Variants in PVALB observed in about 807,000 individuals in gnomAD.
PVALB encodes the protein parvalbumin alpha.
In PVALB, 11 loss-of-function variants were observed where a neutral mutation model predicts 10.9. That is an observed-to-expected ratio of 1.01 (90% CI 0.63 to 1.67). The LOEUF is 1.67. Ranked by LOEUF, PVALB falls within the 40% of genes most tolerant of loss-of-function variation. The probability of loss-of-function intolerance (pLI) is 0.00; values close to 1 mark genes in which losing one functional copy is unlikely to be tolerated. For synonymous variants in PVALB, 57 were observed against 50.7 expected, an observed-to-expected ratio of 1.12 and a Z score of -0.53; for missense variants, 131 against 136.2, an observed-to-expected ratio of 0.96 and a Z score of 0.19.
upstream of PVALB, chr22:36,817,130 T>C (rs1419439365): frequency 5.8e-6 from 5 of 856,332 alleles, no homozygotes; most frequent in East Asian, 1.7e-4. Flanking sequence ...GGGCCTGGCA[T>C]GGCGCCAGGG....
intron 3 of PVALB, among the ~76,000 whole-genome samples, chr22:36,805,259 G>A (rs747087666): frequency 6.6e-6 from 1 of 152,144 alleles, no homozygotes; most frequent in Admixed American, 6.5e-5. Flanking sequence ...CACCTCACCT[G>A]TCAAATGGAG....
intron 3 of PVALB, among the ~76,000 whole-genome samples, chr22:36,803,849 G>A (rs1393665939): frequency 6.6e-6 from 1 of 152,200 alleles, no homozygotes; most frequent in African/African-American, 2.4e-5. Flanking sequence ...AGGCTGGGAA[G>A]GTGAGGTGTC....
At chr22:36,815,769 G>T (rs1198566536) in intron 1 of PVALB, among the ~76,000 whole-genome samples, 2 of 152,094 alleles carry the variant, frequency 1.3e-5, no homozygotes, top group East Asian at 3.9e-4. Flanking sequence ...GGAAGTCCTG[G>T]CTCTGCGCAG....
upstream of PVALB, chr22:36,817,084 A>T: frequency 2.6e-5 from 36 of 1,379,308 alleles, no homozygotes; most frequent in Non-Finnish European, 3.5e-5. Flanking sequence ...TCATATGACC[A>T]GCGCTGCAGT....
In PVALB at chr22:36,813,436, G is replaced by A; in HGVS notation, c.304+210C>T. 6 of 543,316 alleles carry A rather than the reference G, an allele frequency of 1.1e-5. No individual in the cohort carries two copies. The South Asian group carries it at 1.4e-4, about 13-fold the overall frequency. 33.7% of individuals were successfully genotyped at this position (543,316 alleles called of 1,614,324 possible). A position where few individuals can be genotyped will look rare whatever the true frequency, so the allele number is the denominator to read the frequency against. On this transcript the variant is annotated intron_variant, in intron 3 of 3. Transcript: ENST00000417718. Reference sequence around the variant, plus strand: ...GAAAAACAGAATCTATTCCTTTTAGGTTTTCAAATTAGGAAAATACACCAG... The same window carrying A: ...GAAAAACAGAATCTATTCCTTTTAGATTTTCAAATTAGGAAAATACACCAG...
At position 36,807,630 on chromosome 22, in the gene PVALB, G is replaced by A. The variant is rs532552852; in HGVS notation, c.304+6016C>T. 1.6e-4 allele frequency among the ~76,000 whole-genome samples: 25 copies of A among 152,176 alleles called. No individual in the cohort carries two copies. In the South Asian group the frequency reaches 4.6e-3, roughly 28 times the overall value. ...CATTTCTAGAACATTCTCTTCATTC[G>A]AGCAACAGCCCTGTAAGGTGTGTAT... On this transcript the variant is annotated intron_variant, in intron 3 of 3. Transcript: ENST00000417718.
Position 36,813,634 on chromosome 22 carries a change from A to G in PVALB, c.304+12T>C. 6.3e-7 allele frequency: 1 copy of G among 1,597,018 alleles called. No homozygotes were observed. The highest frequency in any genetic ancestry group is 8.6e-7 in the Non-Finnish European group (1 of 1,164,500). On this transcript the variant is annotated intron_variant, in intron 3 of 3. Coordinates refer to ENST00000417718, the MANE Select transcript of PVALB (RefSeq NM_001315532.2). ...CCACAATATGCCCAGACCCCAGGTC[A>G]CGGCTACCCACCGTCAACCCCAATT...
Position 36,800,837 on chromosome 22 carries a change from G to A in PVALB, c.*53C>T, listed in dbSNP as rs374659208. The A allele has an allele frequency of 3.0e-5, 46 of 1,552,176 alleles. No individual in the cohort carries two copies. In the African/African-American group the frequency reaches 3.4e-4, roughly 11 times the overall value. ...ATGCAGGAGGGTGGCGAGAGGGGCC[G>A]AGATTGGGTGTTCAGGGCAGAGAGG... On this transcript the variant is annotated 3_prime_UTR_variant, in exon 4 of 4. Coordinates refer to ENST00000417718, the MANE Select transcript of PVALB (RefSeq NM_001315532.2).
intron 3 of PVALB, among the ~76,000 whole-genome samples, chr22:36,811,930 C>T (rs991410754): frequency 2.6e-5 from 4 of 152,158 alleles, no homozygotes; most frequent in African/African-American, 9.7e-5. Context: ...CAGCTGGCAT[C>T]AGATGGCCAG....
intron 3 of PVALB, among the ~76,000 whole-genome samples, chr22:36,806,705 C>A (rs537306027): frequency 3.3e-5 from 5 of 152,292 alleles, no homozygotes; most frequent in Admixed American, 2.6e-4. Context: ...AGCCAGACAG[C>A]CACAAGGAGG....
chr22:36,817,968 G>A (rs1939174011), upstream of PVALB, among the ~76,000 whole-genome samples: 1 of 152,264 alleles, frequency 6.6e-6, no homozygotes, highest in Admixed American at 6.5e-5. Context: ...CTAAGCAGGT[G>A]TAGGGGTCTG....
chr22:36,800,807 C>T lies in PVALB; in HGVS notation c.*83G>A. The T allele has an allele frequency of 6.9e-7, 1 of 1,451,204 alleles. No individual in the cohort carries two copies. The highest frequency in any genetic ancestry group is 1.1e-5 in the South Asian group (1 of 87,732). 89.9% of individuals were successfully genotyped at this position (1,451,204 alleles called of 1,614,324 possible). Reference sequence around the variant, plus strand: ...TAAAAAATAACATAAACGAACTGAACAGAAATGCAGGAGGGTGGCGAGAGG... The same window carrying T: ...TAAAAAATAACATAAACGAACTGAATAGAAATGCAGGAGGGTGGCGAGAGG... On this transcript the variant is annotated 3_prime_UTR_variant, in exon 4 of 4. Coordinates refer to ENST00000417718, the MANE Select transcript of PVALB (RefSeq NM_001315532.2).
chr22:36,804,474 C>T (rs960712347), intron 3 of PVALB, among the ~76,000 whole-genome samples: 2 of 152,188 alleles, frequency 1.3e-5, no homozygotes, highest in African/African-American at 4.8e-5. Context: ...AATTTTATCC[C>T]CTCAGAACCT....
At chr22:36,804,402 C>G (rs571002666) in intron 3 of PVALB, among the ~76,000 whole-genome samples, 36 of 152,316 alleles carry the variant, frequency 2.4e-4, no homozygotes, top group Admixed American at 2.1e-3. Context: ...AATCTGTTCT[C>G]AAGCAGCCAG....
Position 36,815,085 on chromosome 22 carries a change from C to G in PVALB, c.194+18G>C, listed in dbSNP as rs773421720. On this transcript the variant is annotated intron_variant, in intron 2 of 3. Coordinates refer to ENST00000417718, the MANE Select transcript of PVALB (RefSeq NM_001315532.2). Reference sequence around the variant, plus strand: ...CGTGCAGCCGTGGGCTGGGCAGCCCCTGCAGGCCTCCGCTTACCCCAGCTC... The same window carrying G: ...CGTGCAGCCGTGGGCTGGGCAGCCCGTGCAGGCCTCCGCTTACCCCAGCTC... 1.9e-6 allele frequency: 3 copies of G among 1,613,840 alleles called. No individual in the cohort carries two copies. The highest frequency in any genetic ancestry group is 1.7e-6 in the Non-Finnish European group (2 of 1,179,868).
intron 3 of PVALB, among the ~76,000 whole-genome samples, chr22:36,809,618 T>C (rs1375582134): frequency 1.3e-5 from 2 of 152,166 alleles, no homozygotes; most frequent in Admixed American, 1.3e-4. Flanking sequence ...ATCATAATAG[T>C]ATACACTTCA....
Position 36,816,858 on chromosome 22 carries a change from G to A in PVALB, c.61+87C>T. On this transcript the variant is annotated intron_variant, in intron 1 of 3. Coordinates refer to ENST00000417718, the MANE Select transcript of PVALB (RefSeq NM_001315532.2). The stretch of plus-strand genomic sequence containing the variant: ...GTGTGGGCAGAAGCGCGCTGGGGAG[G>A]ATCCGCCGGCTGCGGGGCCGGCGGA... The A allele has an allele frequency of 6.6e-6, 8 of 1,214,790 alleles. No homozygotes were observed. The South Asian group carries it at 8.4e-5, about 13-fold the overall frequency. 75.3% of individuals were successfully genotyped at this position (1,214,790 alleles called of 1,614,324 possible). A position where few individuals can be genotyped will look rare whatever the true frequency, so the allele number is the denominator to read the frequency against.
At chr22:36,804,062 T>G (rs1467631861) in intron 3 of PVALB, among the ~76,000 whole-genome samples, 2 of 152,174 alleles carry the variant, frequency 1.3e-5, no homozygotes, top group East Asian at 3.9e-4. Context: ...TGTCCTGGGA[T>G]AAAGGATGCA....
chr22:36,801,817 G>T (rs752837787), intron 3 of PVALB, among the ~76,000 whole-genome samples: 87 of 152,014 alleles, frequency 5.7e-4, no homozygotes, highest in Non-Finnish European at 1.2e-3. Flanking sequence ...ACAAAAAAAA[G>T]AAAAGAAAAA....
Sources: gnomAD v4.1 joint callset for allele counts (sites outside exome capture counted in the v4.1 genomes callset) on GRCh38, gnomAD v4.1.1 for gene constraint, MANE v1.5 for transcripts, NCBI Gene and HGNC (gene_info 2026-07-23, HGNC 2026-07-21) for gene names.